The following TEX14 variants were observed in gnomAD, a reference collection of about 807,000 sequenced individuals.
TEX14 encodes inactive serine/threonine-protein kinase TEX14.
Under a neutral mutation model 178.6 loss-of-function variants are expected in TEX14, and 168 were observed. The ratio of observed to expected loss-of-function variants is 0.94; its 90% confidence interval spans 0.83 to 1.07. The LOEUF (loss-of-function observed/expected upper bound fraction) is 1.07, where lower values mean the gene tolerates loss of function less well. Ranked by LOEUF, TEX14 falls within the 50% of genes least tolerant of loss-of-function variation. TEX14 has a pLI of 0.00. For synonymous variants in TEX14, 626 were observed against 634.1 expected (o/e 0.99, Z 0.19); for missense variants, 1,730 against 1,753.6 (o/e 0.99, Z 0.24).
chr17:58,625,846 T>C (rs925265794), intron 3 of TEX14, among the ~76,000 whole-genome samples: 2 of 152,060 alleles, frequency 1.3e-5, no homozygotes, highest in Admixed American at 6.6e-5. Flanking sequence ...GTTGAAGATA[T>C]TCTCCTGCCT....
chr17:58,649,227 C>A (rs560998447), intron 2 of TEX14, among the ~76,000 whole-genome samples: 3 of 151,812 alleles, frequency 2.0e-5, no homozygotes, highest in Non-Finnish European at 2.9e-5. Flanking sequence ...TTACAGGCAC[C>A]CACCACCACG....
At chr17:58,606,965 C>A (rs969850247) in intron 10 of TEX14, among the ~76,000 whole-genome samples, 2 of 139,692 alleles carry the variant, frequency 1.4e-5, no homozygotes, top group African/African-American at 5.5e-5. Context: ...GCAGAGGTTG[C>A]TGTGAGCCGA....
At chr17:58,611,098 T>C (rs2045733851) in intron 10 of TEX14, 63 bp downstream of exon 10, 5 of 1,243,198 alleles carry the variant, frequency 4.0e-6, no homozygotes, top group Non-Finnish European at 4.7e-6. Context: ...ATTCTGTCTC[T>C]ATAGGAAGGG....
chr17:58,618,778 C>T (rs891281479), intron 5 of TEX14, among the ~76,000 whole-genome samples: 1 of 152,236 alleles, frequency 6.6e-6, no homozygotes, highest in South Asian at 2.1e-4. Context: ...TCATCAGTGC[C>T]AAGCTGTCCC....
chr17:58,645,073 C>T (rs2046672128), intron 2 of TEX14, among the ~76,000 whole-genome samples: 1 of 151,242 alleles, frequency 6.6e-6, no homozygotes. Flanking sequence ...GCAACCTCCG[C>T]CTCCCAGGTT....
intron 1 of TEX14, among the ~76,000 whole-genome samples, chr17:58,685,928 G>C (rs1224548066): frequency 6.8e-6 from 1 of 147,800 alleles, no homozygotes; most frequent in Non-Finnish European, 1.5e-5. Context: ...ATGGGAGGTG[G>C]AGGTTGCAGT....
intron 10 of TEX14, among the ~76,000 whole-genome samples, chr17:58,606,225 G>A (rs985840572): frequency 6.6e-6 from 1 of 152,182 alleles, no homozygotes; most frequent in Non-Finnish European, 1.5e-5. Flanking sequence ...ACTCAGCACT[G>A]ACTTGTGCCC....
Position 58,570,318 on chromosome 17 carries a change from G to A in TEX14, c.3817+67C>T. ...TGTCTGAACCTAATGTGGCATCAAA[G>A]ATTGATAAGCATCAATTTAAGCCTC... is the stretch of plus-strand genomic sequence containing the variant. On this transcript the variant is annotated intron_variant, in intron 25 of 31. Transcript: ENST00000349033. The A allele has an allele frequency of 3.9e-6, 4 of 1,037,710 alleles. No homozygotes were observed. The South Asian group carries it at 6.9e-5, about 18-fold the overall frequency. 64.3% of individuals were successfully genotyped at this position (1,037,710 alleles called of 1,614,324 possible).
At chr17:58,565,061 G>A in intron 27 of TEX14, 93 bp from the exon 28 acceptor site, 1 of 743,880 alleles carries the variant, frequency 1.3e-6, no homozygotes, top group Non-Finnish European at 2.2e-6. Flanking sequence ...AGGCCAATCA[G>A]TGGTCCCTGA....
At chr17:58,618,346 G>GA (rs2045923725) in intron 5 of TEX14, among the ~76,000 whole-genome samples, 1 of 152,178 alleles carries the variant, frequency 6.6e-6, no homozygotes. Flanking sequence ...CCCAGGAAAA[G>GA]GAAACTTGCT....
chr17:58,661,725 G>T, intron 1 of TEX14: 1 of 574,632 alleles, frequency 1.7e-6, no homozygotes, highest in South Asian at 2.3e-5. Context: ...GGAGGCGGTG[G>T]CGTTGGGGGC....
chr17:58,660,268 G>C (rs929190045), intron 1 of TEX14, among the ~76,000 whole-genome samples: 1 of 151,590 alleles, frequency 6.6e-6, no homozygotes, highest in Admixed American at 6.6e-5. Context: ...GGGCGTGGTG[G>C]CGGGCGCCTG....
chr17:58,609,623 G>C (rs1003005442), intron 10 of TEX14, among the ~76,000 whole-genome samples: 1 of 152,154 alleles, frequency 6.6e-6, no homozygotes, highest in East Asian at 1.9e-4. Context: ...CAGCATCCCA[G>C]TGTTCTTAAG....
intron 10 of TEX14, among the ~76,000 whole-genome samples, chr17:58,608,188 C>T (rs545674946): frequency 7.2e-5 from 11 of 152,216 alleles, no homozygotes; most frequent in South Asian, 2.1e-4. Flanking sequence ...GAGGCTGAGG[C>T]GGGTGGATCA....
chr17:58,667,622 C>T (rs1229375572), intron 1 of TEX14, among the ~76,000 whole-genome samples: 1 of 152,140 alleles, frequency 6.6e-6, no homozygotes, highest in African/African-American at 2.4e-5. Flanking sequence ...CAGTGGCTCA[C>T]GCCTGTAATC....
intron 2 of TEX14, chr17:58,631,847 T>C (rs558205250): frequency 4.6e-5 from 7 of 152,342 alleles, no homozygotes; most frequent in South Asian, 2.1e-4. Context: ...AATGTCCATT[T>C]ATGTGCCTTC....
At chr17:58,616,790 C>T (rs1383925750) in intron 6 of TEX14, among the ~76,000 whole-genome samples, 2 of 152,216 alleles carry the variant, frequency 1.3e-5, no homozygotes, top group Non-Finnish European at 2.9e-5. Context: ...CCCTTTTGTT[C>T]TTTTCCCTGA....
chr17:58,557,847 T>G lies in TEX14; in HGVS notation c.4271A>C (p.Glu1424Ala). 6.2e-7 allele frequency: 1 copy of G among 1,611,842 alleles called. No individual in the cohort carries two copies. Among genetic ancestry groups the G allele is most frequent in the Non-Finnish European group, 8.5e-7 (1 of 1,178,686 alleles). Reference sequence around the variant, plus strand: ...TCGCTTCCAAAAACAGGATTTTAGTTCATCTTGATGAAATATAAGAGGAAG... The same window carrying G: ...TCGCTTCCAAAAACAGGATTTTAGTGCATCTTGATGAAATATAAGAGGAAG... The part of the protein sequence containing the change: ...EGVLGTSEED[E>A]LKSCFWKRLG... The change falls in exon 31 of 32, where the codon GAA becomes GCA. Residue 1424 changes from glutamate (E) to alanine (A), a missense_variant. Glu to Ala is a moderately radical substitution (Grantham distance 107). Transcript: ENST00000349033.
At chr17:58,658,204 C>T (rs1243117015) in intron 1 of TEX14, among the ~76,000 whole-genome samples, 1 of 152,200 alleles carries the variant, frequency 6.6e-6, no homozygotes, top group Non-Finnish European at 1.5e-5. Context: ...TCCTGCACAG[C>T]TGGCTCTGCG....
Sources: gnomAD v4.1 joint callset for allele counts (sites outside exome capture counted in the v4.1 genomes callset) on GRCh38, gnomAD v4.1.1 for gene constraint, MANE v1.5 for transcripts, NCBI Gene and HGNC (gene_info 2026-07-23, HGNC 2026-07-21) for gene names.